GAS2: variants seen among roughly 807,000 people sequenced by gnomAD.
GAS2 encodes growth arrest specific 2, also known as growth arrest-specific protein 2.
GAS2 carries 20 observed loss-of-function variants against 37.5 expected under a neutral mutation model. The ratio of observed to expected loss-of-function variants is 0.53; its 90% CI spans 0.37 to 0.77. GAS2 has a LOEUF of 0.77. Among genes scored for constraint, GAS2 ranks in the 30% least tolerant of loss-of-function variants. GAS2 has a pLI of 0.00. For missense variants in GAS2, 336 were observed against 373.4 expected, an observed-to-expected ratio of 0.90 and a Z score of 0.82; for synonymous variants, 144 against 132.2, an observed-to-expected ratio of 1.09 and a Z score of -0.61.
chr11:22,655,658 A>T (rs1006228630), intron 1 of GAS2, among the ~76,000 whole-genome samples: 1 of 152,232 alleles, frequency 6.6e-6, no homozygotes, highest in African/African-American at 2.4e-5. Context: ...GTTCCTACAC[A>T]TAATTTGGTT....
chr11:22,663,423 A>C (rs1213194853), upstream of GAS2, among the ~76,000 whole-genome samples: 1 of 152,094 alleles, frequency 6.6e-6, no homozygotes, highest in African/African-American at 2.4e-5. Flanking sequence ...AAAATAAAAA[A>C]ATAAAAAATA....
chr11:22,709,541 T>G (rs1183796114), intron 3 of GAS2, among the ~76,000 whole-genome samples: 3 of 152,180 alleles, frequency 2.0e-5, no homozygotes. Context: ...ATTACTGTTC[T>G]TGGTCATTAT....
upstream of GAS2, among the ~76,000 whole-genome samples, chr11:22,665,924 C>T (rs1188902630): frequency 6.6e-6 from 1 of 152,048 alleles, no homozygotes; most frequent in African/African-American, 2.4e-5. Flanking sequence ...CATTGGATGG[C>T]AATATACATG....
At chr11:22,703,957 A>G (rs1230211056) in intron 3 of GAS2, among the ~76,000 whole-genome samples, 1 of 152,206 alleles carries the variant, frequency 6.6e-6, no homozygotes, top group Non-Finnish European at 1.5e-5. Flanking sequence ...ATAAGAAATA[A>G]AAAATGTGGT....
intron 3 of GAS2, among the ~76,000 whole-genome samples, chr11:22,704,336 T>A (rs529804390): frequency 3.0e-4 from 45 of 151,800 alleles, no homozygotes; most frequent in Non-Finnish European, 5.7e-4. Flanking sequence ...ATATTAAAAA[T>A]CAACATTGAA....
intron 3 of GAS2, among the ~76,000 whole-genome samples, chr11:22,703,076 A>G (rs888369106): frequency 1.3e-5 from 2 of 152,184 alleles, no homozygotes; most frequent in Non-Finnish European, 2.9e-5. Flanking sequence ...GAAGAAGAGC[A>G]AATTCTGGAT....
intron 2 of GAS2, among the ~76,000 whole-genome samples, chr11:22,677,488 G>A (rs1849482515): frequency 6.6e-6 from 1 of 152,204 alleles, no homozygotes; most frequent in East Asian, 1.9e-4. Flanking sequence ...AGAAGCCATT[G>A]AAATGTTCTA....
intron 3 of GAS2, among the ~76,000 whole-genome samples, chr11:22,724,304 A>G (rs554278215): frequency 6.6e-6 from 1 of 152,034 alleles, no homozygotes; most frequent in East Asian, 1.9e-4. Context: ...TTATGATTGT[A>G]TAGAGTTTCA....
chr11:22,734,317 A>G (rs1427473236), intron 4 of GAS2, among the ~76,000 whole-genome samples: 3 of 151,764 alleles, frequency 2.0e-5, no homozygotes, highest in Non-Finnish European at 4.4e-5. Context: ...TTGCTGAAGG[A>G]TATCTACTTT....
intron 7 of GAS2, among the ~76,000 whole-genome samples, chr11:22,777,179 A>C (rs567389758): frequency 8.3e-4 from 127 of 152,302 alleles, no homozygotes; most frequent in African/African-American, 3.0e-3. Context: ...GTTGTTGTTA[A>C]ATCCTAAGCC....
intron 3 of GAS2, among the ~76,000 whole-genome samples, chr11:22,715,010 G>C (rs1851594952): frequency 6.6e-6 from 1 of 151,976 alleles, no homozygotes; most frequent in South Asian, 2.1e-4. Flanking sequence ...AAATGACAAA[G>C]ATCAGAGCAG....
intron 7 of GAS2, among the ~76,000 whole-genome samples, chr11:22,790,590 A>ATTTTTTTTTTTTTTTTTTTTTTTTT (rs58284244): frequency 8.9e-6 from 1 of 111,804 alleles, no homozygotes; most frequent in Admixed American, 9.4e-5. Flanking sequence ...CTTCTTCTCT[A>ATTTTTTTTTTTTTTTTTTTTTTTTT]TTTTTTTTTT....
chr11:22,692,230 C>T (rs890244807), intron 3 of GAS2, among the ~76,000 whole-genome samples: 2 of 152,088 alleles, frequency 1.3e-5, no homozygotes, highest in Non-Finnish European at 2.9e-5. Context: ...GCCTATGGAA[C>T]TTATCTAGAT....
intron 5 of GAS2, among the ~76,000 whole-genome samples, chr11:22,748,571 A>G (rs1001366081): frequency 1.3e-5 from 2 of 152,048 alleles, no homozygotes; most frequent in East Asian, 1.9e-4. Context: ...TCATTATGCT[A>G]TTCCTAGGAT....
At position 22,684,662 on chromosome 11, in the gene GAS2, C is replaced by T. The variant is rs115807881; in HGVS notation, c.146-1006C>T. On this transcript the variant is annotated intron_variant, in intron 2 of 7. Transcript: ENST00000454584. The stretch of plus-strand genomic sequence containing the variant: ...TCACTGCAGCCTCTGCCTCCCAGGC[C>T]CAAGCCATCCTCTCACCTCAGCCTC... Among the ~76,000 whole-genome samples the T allele has an allele frequency of 3.8e-3, 574 of 152,256 alleles. 2 individuals carry two copies. Among genetic ancestry groups the T allele is most frequent in the African/African-American group, 0.013 (548 of 41,562 alleles).
chr11:22,709,135 A>G (rs902353386), intron 3 of GAS2, among the ~76,000 whole-genome samples: 2 of 152,162 alleles, frequency 1.3e-5, no homozygotes, highest in Admixed American at 1.3e-4. Flanking sequence ...AGAAAAACTC[A>G]ATCAAATTTT....
At chr11:22,790,898 T>G (rs977239510) in intron 7 of GAS2, among the ~76,000 whole-genome samples, 4 of 152,186 alleles carry the variant, frequency 2.6e-5, no homozygotes, top group African/African-American at 9.6e-5. Flanking sequence ...AGAGAAGACC[T>G]GTTTTTTGCT....
intron 1 of GAS2, among the ~76,000 whole-genome samples, chr11:22,673,144 A>G (rs1318041503): frequency 2.0e-5 from 3 of 152,150 alleles, no homozygotes; most frequent in Non-Finnish European, 4.4e-5. Flanking sequence ...CCTTTTAGGT[A>G]CTTACTCATA....
chr11:22,765,110 G>T (rs1392103631), intron 7 of GAS2, among the ~76,000 whole-genome samples: 1 of 152,122 alleles, frequency 6.6e-6, no homozygotes, highest in Non-Finnish European at 1.5e-5. Context: ...TTTCTGCATT[G>T]CTATGACCTT....
Sources: gnomAD v4.1 joint callset for allele counts (sites outside exome capture counted in the v4.1 genomes callset) on GRCh38, gnomAD v4.1.1 for gene constraint, MANE v1.5 for transcripts, NCBI Gene and HGNC (gene_info 2026-07-23, HGNC 2026-07-21) for gene names.